CSMD1: variants seen among roughly 807,000 people sequenced by gnomAD.
The protein encoded by CSMD1 is CUB and Sushi multiple domains 1.
In CSMD1, 213 loss-of-function variants were observed where a neutral mutation model predicts 417.5. That is an observed-to-expected ratio of 0.51 (90% CI 0.46 to 0.57). The LOEUF is 0.57. Among genes scored for constraint, CSMD1 ranks in the 20% least tolerant of loss-of-function variants. The probability of loss-of-function intolerance (pLI) is 0.00; values close to 1 mark genes in which losing one functional copy is unlikely to be tolerated. For missense variants in CSMD1, 6,923 were observed against 4,529.7 expected (o/e 1.53, Z -15.17); for synonymous variants, 2,862 against 1,736.8 (o/e 1.65, Z -16.11).
In CSMD1 at chr8:4,069,284, G is replaced by A. The variant is rs185590878; in HGVS notation, c.416-37185C>T. Among the ~76,000 whole-genome samples, 3 of 152,212 alleles carry A rather than the reference G, an allele frequency of 2.0e-5. No homozygotes were observed. The East Asian group carries it at 5.8e-4, about 29-fold the overall frequency. On this transcript the variant is annotated intron_variant, in intron 3 of 69. Coordinates refer to ENST00000635120, the MANE Select transcript of CSMD1 (RefSeq NM_033225.6). ...ACTGTGAATTCTTTGTCTAGTAGGA[G>A]GTCATTATTTTTTGACCATTTTTAA...
At chr8:4,356,488 T>C (rs566808944) in intron 3 of CSMD1, among the ~76,000 whole-genome samples, 2 of 152,312 alleles carry the variant, frequency 1.3e-5, no homozygotes, top group African/African-American at 4.8e-5. Context: ...AGTAGATACC[T>C]GGGAGTGGGA....
At chr8:3,387,383 C>G in intron 18 of CSMD1, 111 bp downstream of exon 18, 5 of 822,478 alleles carry the variant, frequency 6.1e-6, no homozygotes, top group South Asian at 1.9e-5. Flanking sequence ...AGGGAACTCA[C>G]GCCAGTCGTA....
rs942995773 is a variant in CSMD1 at position 4,336,066 on chromosome 8, A to C, written c.415+83887T>G. 8.5e-5 allele frequency among the ~76,000 whole-genome samples: 13 copies of C among 152,142 alleles called. 1 individual carries two copies. Among genetic ancestry groups the C allele is most frequent in the African/African-American group, 3.1e-4 (13 of 41,444 alleles). ...TCCTCCCTGTCTTCAATAATGATTA[A>C]GTTCCACAAGACAATCCACTAATTG... On this transcript the variant is annotated intron_variant, in intron 3 of 69. Coordinates refer to ENST00000635120, the MANE Select transcript of CSMD1 (RefSeq NM_033225.6).
intron 23 of CSMD1, among the ~76,000 whole-genome samples, chr8:3,317,583 ATTTTG>A (rs916407593): frequency 2.6e-5 from 4 of 152,146 alleles, no homozygotes; most frequent in Admixed American, 6.5e-5. Context: ...GAATGACTTA[ATTTTG>A]TTTTGTTTTG....
chr8:3,027,574 G>A (rs1256746957), intron 51 of CSMD1, among the ~76,000 whole-genome samples: 1 of 152,202 alleles, frequency 6.6e-6, no homozygotes, highest in Non-Finnish European at 1.5e-5. Flanking sequence ...TGTACACGAT[G>A]ACATTCAAGG....
intron 1 of CSMD1, among the ~76,000 whole-genome samples, chr8:4,928,248 G>T (rs1001837506): frequency 6.6e-6 from 1 of 152,120 alleles, no homozygotes; most frequent in Non-Finnish European, 1.5e-5. Flanking sequence ...CTGGATCTCA[G>T]CTCAAACCCC....
In CSMD1 at chr8:3,469,914, T is replaced by C. The variant is rs556027935; in HGVS notation, c.1449-1090A>G. 2.6e-5 allele frequency among the ~76,000 whole-genome samples: 4 copies of C among 152,372 alleles called. No individual in the cohort carries two copies. The South Asian group carries it at 6.2e-4, about 24-fold the overall frequency. On this transcript the variant is annotated intron_variant, in intron 11 of 69. Transcript: ENST00000635120. ...TGAAGATTTGTCTTCGTTGGCAACA[T>C]TGTTCTTTTTCATTTGCTTGTTTTG...
At chr8:4,770,599 T>A (rs116677601) in intron 1 of CSMD1, among the ~76,000 whole-genome samples, 15 of 151,944 alleles carry the variant, frequency 9.9e-5, no homozygotes, top group Non-Finnish European at 1.3e-4. Flanking sequence ...ACCTATGGCA[T>A]TGGCATAAGA....
At chr8:3,073,883 A>C (rs905965335) in intron 49 of CSMD1, among the ~76,000 whole-genome samples, 4 of 152,156 alleles carry the variant, frequency 2.6e-5, no homozygotes, top group African/African-American at 9.7e-5. Flanking sequence ...TTTGACTGTT[A>C]GATGTGCAAG....
At chr8:4,784,751 T>G (rs998945857) in intron 1 of CSMD1, among the ~76,000 whole-genome samples, 3 of 152,212 alleles carry the variant, frequency 2.0e-5, no homozygotes, top group African/African-American at 7.2e-5. Flanking sequence ...AAGTCATATC[T>G]GCAAAGATCT....
intron 5 of CSMD1, among the ~76,000 whole-genome samples, chr8:3,838,634 AT>A (rs1802868158): frequency 7.6e-6 from 1 of 131,470 alleles, no homozygotes; most frequent in Admixed American, 9.0e-5. Context: ...TTAATATATA[AT>A]AAATTAATAT....
At chr8:3,602,114 C>G (rs1801392222) in intron 8 of CSMD1, among the ~76,000 whole-genome samples, 1 of 152,200 alleles carries the variant, frequency 6.6e-6, no homozygotes, top group South Asian at 2.1e-4. Flanking sequence ...CACCATTGAA[C>G]TGCACACTTA....
Position 2,983,227 on chromosome 8 carries a change from C to G in CSMD1, c.8378-4427G>C, listed in dbSNP as rs552691654. On this transcript the variant is annotated intron_variant, in intron 54 of 69. Transcript: ENST00000635120. ...TTTGAGATGGAGTCTTGCTCTGTCT[C>G]CCATGCTGGAGTGCAGTGGCACAAT... Among the ~76,000 whole-genome samples the G allele has an allele frequency of 6.9e-4, 105 of 152,134 alleles. 1 individual carries two copies. In the South Asian group the frequency reaches 0.013, roughly 18 times the overall value.
chr8:3,983,521 T>C (rs1309864028), intron 5 of CSMD1, among the ~76,000 whole-genome samples: 3 of 152,226 alleles, frequency 2.0e-5, no homozygotes, highest in South Asian at 4.1e-4. Flanking sequence ...GACAGGAAAC[T>C]GCCCTTGGAT....
chr8:3,174,871 A>G (rs940334902), intron 37 of CSMD1, among the ~76,000 whole-genome samples: 3 of 152,124 alleles, frequency 2.0e-5, no homozygotes, highest in African/African-American at 7.2e-5. Context: ...GCAGTTTATC[A>G]CTTTAAAAAA....
chr8:4,377,755 T>C (rs1212080628), intron 3 of CSMD1, among the ~76,000 whole-genome samples: 1 of 152,220 alleles, frequency 6.6e-6, no homozygotes, highest in East Asian at 1.9e-4. Flanking sequence ...ACTATTAGGC[T>C]ATCAGGAAAA....
At chr8:3,952,997 A>G (rs1295561414) in intron 5 of CSMD1, among the ~76,000 whole-genome samples, 1 of 151,968 alleles carries the variant, frequency 6.6e-6, no homozygotes, top group Non-Finnish European at 1.5e-5. Flanking sequence ...TAGAAAAATA[A>G]CATTATTTAA....
At chr8:3,709,530 G>C (rs1275478739) in intron 6 of CSMD1, among the ~76,000 whole-genome samples, 2 of 151,952 alleles carry the variant, frequency 1.3e-5, no homozygotes, top group Non-Finnish European at 2.9e-5. Flanking sequence ...ATTAACATTT[G>C]AATCAGCTGA....
chr8:3,034,339 G>A (rs966918990), intron 50 of CSMD1, among the ~76,000 whole-genome samples: 5 of 152,132 alleles, frequency 3.3e-5, no homozygotes, highest in Non-Finnish European at 5.9e-5. Flanking sequence ...CCAACCAAGA[G>A]ATCAAAGGGA....
Sources: allele counts gnomAD v4.1 joint callset (sites outside exome capture counted in the v4.1 genomes callset), GRCh38; gene constraint gnomAD v4.1.1; transcripts MANE v1.5; gene names NCBI Gene and HGNC (gene_info 2026-07-23, HGNC 2026-07-21).